Variants in SCFD1 observed in about 807,000 individuals in gnomAD.
The protein encoded by SCFD1 is sec1 family domain-containing protein 1.
SCFD1 carries 37 observed loss-of-function variants against 103.2 expected under a neutral mutation model. The ratio of observed to expected loss-of-function variants is 0.36; its 90% CI spans 0.28 to 0.47. The LOEUF is 0.47. Ranked by LOEUF, SCFD1 falls within the 20% of genes least tolerant of loss-of-function variation. The pLI, the probability that SCFD1 is intolerant of heterozygous loss-of-function variation, is 1.00. For synonymous variants in SCFD1, 264 were observed against 245.0 expected (o/e 1.08, Z -0.73); for missense variants, 639 against 761.2 (o/e 0.84, Z 1.89).
At chr14:30,663,525 GC>G (rs1478117848) in intron 10 of SCFD1, among the ~76,000 whole-genome samples, 3 of 152,144 alleles carry the variant, frequency 2.0e-5, no homozygotes, top group Non-Finnish European at 2.9e-5. Context: ...TCACTTTCTT[GC>G]CCTATGATAA....
At chr14:30,727,846 A>AC (rs1555362001) in intron 23 of SCFD1, among the ~76,000 whole-genome samples, 1 of 152,138 alleles carries the variant, frequency 6.6e-6, no homozygotes, top group Non-Finnish European at 1.5e-5. Flanking sequence ...CATGATGTTG[A>AC]GGTGGATAAC....
chr14:30,701,953 T>C (rs1338465885), intron 16 of SCFD1, among the ~76,000 whole-genome samples: 1 of 152,202 alleles, frequency 6.6e-6, no homozygotes, highest in African/African-American at 2.4e-5. Flanking sequence ...TTTAGAAATA[T>C]TCTTGGTCAA....
chr14:30,733,408 G>A (rs1296142460), intron 23 of SCFD1, among the ~76,000 whole-genome samples: 1 of 152,176 alleles, frequency 6.6e-6, no homozygotes, highest in African/African-American at 2.4e-5. Context: ...AAACTACAGT[G>A]TTTCTTTAAA....
chr14:30,683,605 G>C (rs550816477), intron 14 of SCFD1: 1 of 271,998 alleles, frequency 3.7e-6, no homozygotes, highest in African/African-American at 2.3e-5. Context: ...CCATCCAGGC[G>C]GTGCTGGCAG....
chr14:30,665,676 C>T (rs1271150127), intron 10 of SCFD1, among the ~76,000 whole-genome samples: 1 of 151,516 alleles, frequency 6.6e-6, no homozygotes, highest in African/African-American at 2.4e-5. Context: ...CACAAAGGCT[C>T]AAAATAAAGG....
chr14:30,702,036 G>C (rs180956924), intron 16 of SCFD1, among the ~76,000 whole-genome samples: 2 of 152,166 alleles, frequency 1.3e-5, no homozygotes, highest in African/African-American at 4.8e-5. Context: ...AAATAGCTTT[G>C]TTGGACTTGC....
intron 6 of SCFD1, among the ~76,000 whole-genome samples, 189 bp from the exon 7 acceptor site, chr14:30,643,127 C>T (rs994027004): frequency 2.6e-5 from 4 of 152,014 alleles, no homozygotes; most frequent in Non-Finnish European, 5.9e-5. Flanking sequence ...AAGCCGTGAT[C>T]ATGTCTCTGC....
intron 1 of SCFD1, among the ~76,000 whole-genome samples, chr14:30,625,506 G>A (rs537614508): frequency 4.6e-5 from 7 of 152,040 alleles, no homozygotes; most frequent in Non-Finnish European, 1.0e-4. Flanking sequence ...ATAAAGTCAT[G>A]GTTTAAGCCT....
chr14:30,703,494 T>A (rs976588242), intron 17 of SCFD1, among the ~76,000 whole-genome samples: 3 of 151,516 alleles, frequency 2.0e-5, no homozygotes, highest in Non-Finnish European at 2.9e-5. Flanking sequence ...AGTAGAATTT[T>A]TTTTCCTTTT....
chr14:30,683,048 G>A, intron 14 of SCFD1: 1 of 1,356,056 alleles, frequency 7.4e-7, no homozygotes, highest in Non-Finnish European at 1.0e-6. Context: ...GCCTGGGTCA[G>A]GGCTCCTGAC....
chr14:30,628,066 T>C (rs1228179618), intron 1 of SCFD1, 143 bp from the exon 2 acceptor site: 8 of 564,976 alleles, frequency 1.4e-5, no homozygotes, highest in Non-Finnish European at 2.5e-5. Flanking sequence ...ATCTGACCCC[T>C]AGTTCTACAC....
In SCFD1 at chr14:30,674,015, C is replaced by T. The variant is rs1888796844; in HGVS notation, c.1160+18C>T. On this transcript the variant is annotated intron_variant, in intron 13 of 24. Coordinates refer to ENST00000458591, the MANE Select transcript of SCFD1 (RefSeq NM_016106.4). The stretch of plus-strand genomic sequence containing the variant: ...GCTGTTAGGTAAGTGAGCAGTATAT[C>T]CTCTTTGAAGTCTTTCTGTTGATAG... The T allele has an allele frequency of 6.3e-7, 1 of 1,588,670 alleles. No individual in the cohort carries two copies. The highest frequency in any genetic ancestry group is 1.3e-5 in the African/African-American group (1 of 74,122).
intron 19 of SCFD1, among the ~76,000 whole-genome samples, chr14:30,709,339 C>A (rs1036626071): frequency 1.3e-5 from 2 of 151,810 alleles, no homozygotes; most frequent in African/African-American, 4.8e-5. Context: ...GCTCTCTTGC[C>A]CAGGCTGGAG....
Position 30,722,496 on chromosome 14 carries a change from C to A in SCFD1, c.1773C>A (p.Ala591=). Residue 591 remains alanine (A), a splice_region_variant and synonymous_variant, in exon 23 of 25, where the codon GCC becomes GCA. Transcript: ENST00000458591. The part of the protein sequence containing the change: ...VPRNKNPFQE[A]IVFVVGGGNY... ...TTTTTAATCTGTTTGCATTTTAGGCCATTGTTTTTGTGGTGGGAGGAGGCA... is the reference window on the plus strand; with the variant it reads ...TTTTTAATCTGTTTGCATTTTAGGCAATTGTTTTTGTGGTGGGAGGAGGCA... 6.3e-7 allele frequency: 1 copy of A among 1,591,010 alleles called. No homozygotes were observed. Among genetic ancestry groups the A allele is most frequent in the Non-Finnish European group, 8.6e-7 (1 of 1,167,672 alleles).
At chr14:30,679,489 AG>A (rs1889303499) in intron 14 of SCFD1, among the ~76,000 whole-genome samples, 1 of 152,186 alleles carries the variant, frequency 6.6e-6, no homozygotes, top group Non-Finnish European at 1.5e-5. Context: ...CCACTCCCAA[AG>A]AACTGAACCT....
chr14:30,671,253 A>G (rs1385316363), intron 11 of SCFD1, among the ~76,000 whole-genome samples: 1 of 152,068 alleles, frequency 6.6e-6, no homozygotes, highest in Non-Finnish European at 1.5e-5. Flanking sequence ...CGCCATAACA[A>G]AGATTTGACT....
At chr14:30,623,052 G>A (rs1883020721) in intron 1 of SCFD1, among the ~76,000 whole-genome samples, 1 of 152,154 alleles carries the variant, frequency 6.6e-6, no homozygotes, top group Non-Finnish European at 1.5e-5. Flanking sequence ...ATGTAAAAAG[G>A]CACATATTCT....
At chr14:30,645,947 G>A (rs1366346539) in intron 7 of SCFD1, among the ~76,000 whole-genome samples, 1 of 152,102 alleles carries the variant, frequency 6.6e-6, no homozygotes, top group Non-Finnish European at 1.5e-5. Flanking sequence ...GACATTGGCT[G>A]TGTGTTTGTC....
intron 3 of SCFD1, 200 bp downstream of exon 3, chr14:30,630,765 C>T (rs1412243756): frequency 4.0e-6 from 2 of 502,140 alleles, no homozygotes; most frequent in East Asian, 7.3e-5. Context: ...TGCCTTGTGG[C>T]TTTTCCTTAG....
Sources: allele counts gnomAD v4.1 joint callset (sites outside exome capture counted in the v4.1 genomes callset), GRCh38; gene constraint gnomAD v4.1.1; transcripts MANE v1.5; gene names NCBI Gene and HGNC (gene_info 2026-07-23, HGNC 2026-07-21).